CERKL: variants seen among roughly 807,000 people sequenced by gnomAD.
CERKL encodes CERK like autophagy regulator.
CERKL carries 61 observed loss-of-function variants against 63.4 expected under a neutral mutation model. The observed-to-expected ratio is 0.96, with a 90% CI of 0.78 to 1.19. CERKL has a LOEUF of 1.19. Ranked by LOEUF, CERKL falls within the 50% of genes most tolerant of loss-of-function variation. The pLI is 0.00. For missense variants in CERKL, 675 were observed against 655.5 expected (o/e 1.03, Z -0.33); for synonymous variants, 250 against 230.5 (o/e 1.08, Z -0.77).
intron 1 of CERKL, among the ~76,000 whole-genome samples, chr2:181,630,150 G>GCCTCAC (rs1686890798): frequency 6.6e-6 from 1 of 152,104 alleles, no homozygotes; most frequent in African/African-American, 2.4e-5. Context: ...TCCAGCCTCA[G>GCCTCAC]CCTCACCCTC....
rs1687665863 is a variant in CERKL at position 181,545,134 on chromosome 2, GT to G, written c.1269-339del. Among the ~76,000 whole-genome samples, 4 of 152,226 alleles carry G rather than the reference GT, an allele frequency of 2.6e-5. No homozygotes were observed. The East Asian group carries it at 5.8e-4, about 22-fold the overall frequency. ...TTAGAAATTCTAAATGTGAAACTAT[GT>G]TGTTAAAAGATGTATTATAGAAGAG... is the stretch of plus-strand genomic sequence containing the variant. On this transcript the variant is annotated intron_variant, in intron 10 of 12. Transcript: ENST00000410087.
chr2:181,554,353 T>C (rs1397698244), intron 5 of CERKL, among the ~76,000 whole-genome samples: 1 of 152,082 alleles, frequency 6.6e-6, no homozygotes, highest in Non-Finnish European at 1.5e-5. Flanking sequence ...CACCTACACT[T>C]TGGTTCTTTG....
At chr2:181,617,593 T>C (rs969985850) in intron 1 of CERKL, among the ~76,000 whole-genome samples, 2 of 152,188 alleles carry the variant, frequency 1.3e-5, no homozygotes, top group Non-Finnish European at 2.9e-5. Context: ...GGCAGTGACA[T>C]TAGACTTTTT....
intron 1 of CERKL, among the ~76,000 whole-genome samples, chr2:181,619,559 C>G (rs949666987): frequency 6.6e-6 from 1 of 152,148 alleles, no homozygotes; most frequent in African/African-American, 2.4e-5. Flanking sequence ...GCTAGGCTTC[C>G]AATAAAAGTT....
intron 2 of CERKL, among the ~76,000 whole-genome samples, chr2:181,597,109 C>G (rs1685249081): frequency 1.3e-5 from 2 of 152,018 alleles, no homozygotes; most frequent in South Asian, 2.1e-4. Context: ...TGAATTTTTC[C>G]CACCACTACT....
Position 181,565,511 on chromosome 2 carries a change from C to T in CERKL, c.677+547G>A, listed in dbSNP as rs1044562973. 1 of 1,599,064 alleles carries T rather than the reference C, an allele frequency of 6.3e-7. No individual in the cohort carries two copies. Among genetic ancestry groups the T allele is most frequent in the African/African-American group, 1.3e-5 (1 of 74,744 alleles). ...TGCGAACAATGGTTTCCGATGCCCACTGTGAATAACATACCTAAATTGTAG... is the reference window on the plus strand; with the variant it reads ...TGCGAACAATGGTTTCCGATGCCCATTGTGAATAACATACCTAAATTGTAG... On this transcript the variant is annotated intron_variant, in intron 4 of 12. Transcript: ENST00000410087.
chr2:181,655,611 A>G (rs1331057929), intron 1 of CERKL, among the ~76,000 whole-genome samples: 2 of 152,270 alleles, frequency 1.3e-5, no homozygotes, highest in African/African-American at 4.8e-5. Flanking sequence ...AGAATTCACA[A>G]TCGCAACCAG....
chr2:181,591,013 T>C (rs1479328256), intron 2 of CERKL, among the ~76,000 whole-genome samples: 1 of 152,034 alleles, frequency 6.6e-6, no homozygotes, highest in African/African-American at 2.4e-5. Flanking sequence ...TGTCCACACA[T>C]GGGGAAGTGA....
At chr2:181,643,474 T>G (rs1303130913) in intron 1 of CERKL, among the ~76,000 whole-genome samples, 1 of 152,222 alleles carries the variant, frequency 6.6e-6, no homozygotes, top group Non-Finnish European at 1.5e-5. Flanking sequence ...CTTCAAGGTG[T>G]TATCCATTAG....
chr2:181,623,479 T>C (rs1686545611), intron 1 of CERKL, among the ~76,000 whole-genome samples: 1 of 152,210 alleles, frequency 6.6e-6, no homozygotes, highest in African/African-American at 2.4e-5. Context: ...TTTCCAATAA[T>C]GATTATTCTT....
In CERKL at chr2:181,561,498, T is replaced by C. The variant is rs536675203; in HGVS notation, c.678-2790A>G. ...ACTCCAACCTGACTCTGGTATAGCA[T>C]TAAATAACAAATAGCAGGCCCTAGA... On this transcript the variant is annotated intron_variant, in intron 4 of 12. Transcript: ENST00000410087. Among the ~76,000 whole-genome samples the C allele has an allele frequency of 2.6e-5, 4 of 152,054 alleles. No homozygotes were observed. The East Asian group carries it at 7.7e-4, about 29-fold the overall frequency.
intron 1 of CERKL, among the ~76,000 whole-genome samples, chr2:181,634,000 T>TA (rs1687071935): frequency 6.6e-6 from 1 of 152,134 alleles, no homozygotes; most frequent in Non-Finnish European, 1.5e-5. Flanking sequence ...TTTTGGAACC[T>TA]AAAGGATCCA....
chr2:181,544,926 T>C (rs1017892329), intron 10 of CERKL, 130 bp from the exon 11 acceptor site: 1 of 553,544 alleles, frequency 1.8e-6, no homozygotes. Flanking sequence ...TAAATCACCA[T>C]GTTACGTTTA....
intron 1 of CERKL, among the ~76,000 whole-genome samples, chr2:181,637,978 G>A (rs116395639): frequency 0.012 from 1,840 of 152,088 alleles, 44 homozygotes; most frequent in African/African-American, 0.042. Context: ...TGGCAGCATT[G>A]GTGTTGTTAC....
intron 11 of CERKL, among the ~76,000 whole-genome samples, chr2:181,541,438 A>G (rs1687500433): frequency 6.6e-6 from 1 of 152,250 alleles, no homozygotes. Flanking sequence ...ATAAAATGCC[A>G]AAACACTGGG....
intron 1 of CERKL, among the ~76,000 whole-genome samples, chr2:181,623,417 CCTAATA>C (rs1686543381): frequency 6.6e-6 from 1 of 152,086 alleles, no homozygotes; most frequent in African/African-American, 2.4e-5. Context: ...TTCACATATC[CCTAATA>C]CTAATAAGTG....
chr2:181,629,260 C>T (rs956815165), intron 1 of CERKL, among the ~76,000 whole-genome samples: 6 of 152,094 alleles, frequency 3.9e-5, no homozygotes, highest in Non-Finnish European at 8.8e-5. Flanking sequence ...TCAAGAACAG[C>T]AGAAAAATAA....
rs1688287493 is a variant in CERKL, at chr2:181,558,133, T to C, written c.820+433A>G. 6.6e-6 allele frequency among the ~76,000 whole-genome samples: 1 copy of C among 152,114 alleles called. No individual in the cohort carries two copies. Among genetic ancestry groups the C allele is most frequent in the Non-Finnish European group, 1.5e-5 (1 of 68,014 alleles). On this transcript the variant is annotated intron_variant, in intron 5 of 12. Transcript: ENST00000410087. The surrounding 1 kb of genome is among the most constrained non-coding windows in gnomAD (Gnocchi z 4.2). ...ATTCTCAAGGTTATCTGGTTATACA[T>C]CAATTATGCAAGTTACCATATTCAC... is the stretch of plus-strand genomic sequence containing the variant.
At position 181,550,227 on chromosome 2, in the gene CERKL, A is replaced by C. The variant is rs926510217; in HGVS notation, c.821-519T>G. Among the ~76,000 whole-genome samples the C allele has an allele frequency of 6.6e-6, 1 of 152,228 alleles. No individual in the cohort carries two copies. The highest frequency in any genetic ancestry group is 2.4e-5 in the African/African-American group (1 of 41,480). On this transcript the variant is annotated intron_variant, in intron 5 of 12. Coordinates refer to ENST00000410087, the MANE Select transcript of CERKL (RefSeq NM_201548.5). The surrounding 1 kb of genome is among the most constrained non-coding windows in gnomAD (Gnocchi z 4.5). The stretch of plus-strand genomic sequence containing the variant: ...GAGGTAAGCTCTTAGCCAAATGAGA[A>C]TCCCCTCTGTTATCTGACAAATGTC...
Sources: allele counts gnomAD v4.1 joint callset (sites outside exome capture counted in the v4.1 genomes callset), GRCh38; gene constraint gnomAD v4.1.1; non-coding constraint Gnocchi (gnomAD v3.1); transcripts MANE v1.5; gene names NCBI Gene and HGNC (gene_info 2026-07-23, HGNC 2026-07-21).